The following DGKB variants were observed in gnomAD, a reference collection of about 807,000 sequenced individuals.
DGKB encodes 90 kDa diacylglycerol kinase.
DGKB carries 67 observed loss-of-function variants against 114.3 expected under a neutral mutation model. That is an observed-to-expected ratio of 0.59 (90% CI 0.48 to 0.72). The LOEUF (loss-of-function observed/expected upper bound fraction) is 0.72, where lower values mean the gene tolerates loss of function less well. DGKB is among the 30% of genes least tolerant of loss of function. DGKB has a pLI of 0.00. For missense variants in DGKB, 907 were observed against 975.2 expected, an observed-to-expected ratio of 0.93 and a Z score of 0.93; for synonymous variants, 398 against 323.1, an observed-to-expected ratio of 1.23 and a Z score of -2.49.
chr7:14,703,465 T>A (rs1477251189), intron 6 of DGKB, among the ~76,000 whole-genome samples: 1 of 152,198 alleles, frequency 6.6e-6, no homozygotes, highest in Non-Finnish European at 1.5e-5. Flanking sequence ...TCACACTTTA[T>A]GAAGAGCATT....
chr7:14,628,305 T>TTGTGTGTGTGTGTG (rs768987140), intron 14 of DGKB, among the ~76,000 whole-genome samples: 5 of 98,102 alleles, frequency 5.1e-5, no homozygotes, highest in Non-Finnish European at 9.4e-5. Context: ...ATAACACAAG[T>TTGTGTGTGTGTGTG]TATGTGTGTG....
intron 21 of DGKB, among the ~76,000 whole-genome samples, chr7:14,471,853 C>G (rs920380218): frequency 6.6e-6 from 1 of 151,988 alleles, no homozygotes; most frequent in Non-Finnish European, 1.5e-5. Flanking sequence ...ATTGAGTACA[C>G]AGTATGTTCC....
intron 20 of DGKB, among the ~76,000 whole-genome samples, chr7:14,526,635 A>G (rs1009998701): frequency 1.3e-5 from 2 of 152,176 alleles, no homozygotes; most frequent in African/African-American, 4.8e-5. Context: ...GATATGTAAG[A>G]GAGTGCCATA....
At chr7:14,749,845 T>G (rs895653496) in intron 4 of DGKB, among the ~76,000 whole-genome samples, 2 of 152,212 alleles carry the variant, frequency 1.3e-5, no homozygotes, top group Non-Finnish European at 2.9e-5. Context: ...TATTCCTTAC[T>G]TGTATGTTCA....
At chr7:14,187,265 G>T (rs1472948448) in intron 23 of DGKB, among the ~76,000 whole-genome samples, 1 of 152,136 alleles carries the variant, frequency 6.6e-6, no homozygotes, top group Non-Finnish European at 1.5e-5. Context: ...GTACTCACAT[G>T]CACCTCTGCC....
At chr7:14,447,887 A>G (rs1326075867) in intron 21 of DGKB, among the ~76,000 whole-genome samples, 1 of 152,112 alleles carries the variant, frequency 6.6e-6, no homozygotes, top group Admixed American at 6.6e-5. Context: ...TAGATGATTT[A>G]ATCTGATTTT....
At chr7:14,790,129 A>G (rs995200445) in intron 2 of DGKB, among the ~76,000 whole-genome samples, 2 of 151,974 alleles carry the variant, frequency 1.3e-5, no homozygotes, top group African/African-American at 4.8e-5. Context: ...CTCATTTTCT[A>G]ATTAGATTGT....
chr7:14,432,036 T>G (rs569571018), intron 21 of DGKB, among the ~76,000 whole-genome samples: 54 of 152,160 alleles, frequency 3.5e-4, no homozygotes, highest in Non-Finnish European at 7.1e-4. Flanking sequence ...TGCCCAGAAA[T>G]ATAAAAACAA....
intron 15 of DGKB, among the ~76,000 whole-genome samples, chr7:14,617,363 C>A (rs1806737197): frequency 6.6e-6 from 1 of 151,592 alleles, no homozygotes; most frequent in African/African-American, 2.4e-5. Flanking sequence ...TGATTCCTCA[C>A]TTTTCTCATA....
At chr7:14,814,347 G>GAAA (rs1464389742) in intron 2 of DGKB, among the ~76,000 whole-genome samples, 1 of 151,972 alleles carries the variant, frequency 6.6e-6, no homozygotes, top group Non-Finnish European at 1.5e-5. Context: ...TAAAGTGATG[G>GAAA]AAAAAAATGG....
At chr7:14,433,558 G>GA (rs1828798143) in intron 21 of DGKB, among the ~76,000 whole-genome samples, 2 of 151,834 alleles carry the variant, frequency 1.3e-5, no homozygotes, top group Non-Finnish European at 2.9e-5. Context: ...ATAATTCCCT[G>GA]AAAAAAACCA....
intron 2 of DGKB, among the ~76,000 whole-genome samples, chr7:14,787,298 G>A (rs986085250): frequency 1.3e-5 from 2 of 152,090 alleles, no homozygotes; most frequent in South Asian, 2.1e-4. Context: ...CATTTCACAA[G>A]CAATGCAATT....
At chr7:14,244,723 G>A (rs1794218523) in intron 23 of DGKB, among the ~76,000 whole-genome samples, 1 of 146,916 alleles carries the variant, frequency 6.8e-6, no homozygotes, top group African/African-American at 2.5e-5. Flanking sequence ...ATTAGGTCAT[G>A]AGGGTAGAGC....
At chr7:14,411,225 G>A (rs1006472318) in intron 21 of DGKB, among the ~76,000 whole-genome samples, 10 of 152,282 alleles carry the variant, frequency 6.6e-5, no homozygotes, top group East Asian at 1.9e-4. Context: ...TTCTGAGTGC[G>A]TCTAAGTTAG....
chr7:14,677,559 G>C (rs1427498286), intron 12 of DGKB, among the ~76,000 whole-genome samples: 1 of 151,900 alleles, frequency 6.6e-6, no homozygotes, highest in South Asian at 2.1e-4. Flanking sequence ...TTATGAAATA[G>C]GTGTTATTTT....
At chr7:14,862,139 C>A (rs1384704279) in intron 1 of DGKB, among the ~76,000 whole-genome samples, 3 of 151,894 alleles carry the variant, frequency 2.0e-5, no homozygotes, top group Admixed American at 2.0e-4. Flanking sequence ...TCTTTCCCCC[C>A]CAGCTTCACC....
intron 1 of DGKB, among the ~76,000 whole-genome samples, chr7:14,921,067 A>C (rs1449542475): frequency 6.6e-6 from 1 of 152,120 alleles, no homozygotes; most frequent in Non-Finnish European, 1.5e-5. Context: ...TGAGCATAGT[A>C]CCCAATAAGT....
intron 20 of DGKB, among the ~76,000 whole-genome samples, chr7:14,528,301 A>G (rs949137861): frequency 6.6e-6 from 1 of 152,060 alleles, no homozygotes; most frequent in Non-Finnish European, 1.5e-5. Context: ...TGACCTTTCT[A>G]TAACTGAGTC....
intron 21 of DGKB, among the ~76,000 whole-genome samples, chr7:14,475,496 T>C (rs1782035454): frequency 6.6e-6 from 1 of 152,144 alleles, no homozygotes; most frequent in Admixed American, 6.6e-5. Context: ...ATTGACGTGG[T>C]AATATATGGA....
Sources: gnomAD v4.1 joint callset for allele counts (sites outside exome capture counted in the v4.1 genomes callset) on GRCh38, gnomAD v4.1.1 for gene constraint, MANE v1.5 for transcripts, NCBI Gene and HGNC (gene_info 2026-07-23, HGNC 2026-07-21) for gene names.